Variants in DLG2 observed in about 807,000 individuals in gnomAD.
DLG2 encodes the protein disks large homolog 2.
A neutral mutation model predicts 132.5 loss-of-function variants in DLG2; 45 were observed. The ratio of observed to expected loss-of-function variants is 0.34; its 90% CI spans 0.27 to 0.44. The LOEUF (loss-of-function observed/expected upper bound fraction) is 0.44. Among genes scored for constraint, DLG2 ranks in the 20% least tolerant of loss-of-function variants. The probability of loss-of-function intolerance (pLI) is 1.00; values close to 1 mark genes in which losing one functional copy is unlikely to be tolerated. For missense variants in DLG2, 1,045 were observed against 1,196.9 expected (o/e 0.87, Z 1.87); for synonymous variants, 424 against 419.6 (o/e 1.01, Z -0.13).
At chr11:85,397,723 A>C (rs2087553334) in intron 3 of DLG2, among the ~76,000 whole-genome samples, 1 of 152,176 alleles carries the variant, frequency 6.6e-6, no homozygotes, top group Non-Finnish European at 1.5e-5. Flanking sequence ...CAGCAAGAGG[A>C]GTTAACATCT....
At chr11:85,016,973 A>G (rs1408726483) in intron 6 of DLG2, among the ~76,000 whole-genome samples, 1 of 152,110 alleles carries the variant, frequency 6.6e-6, no homozygotes, top group Non-Finnish European at 1.5e-5. Flanking sequence ...GGCTTGCTAC[A>G]TGTTGTTATA....
rs200616044 is a variant in DLG2 at position 83,541,692 on chromosome 11, T to C, written c.2107A>G (p.Ser703Gly). The change falls in exon 20 of 28, where the codon AGC becomes GGC. Residue 703 changes from serine to glycine, a missense_variant. By Grantham distance (56) the Ser-to-Gly change is moderately conservative. Around this residue, in one of 4 missense-constraint regions of DLG2, gnomAD observed 398 missense variants for 543.6 expected, o/e 0.73. Transcript: ENST00000376104. Reference protein sequence around the residue: ...GDSEEMGVIPSKRRVERKERA... With the variant: ...GDSEEMGVIPGKRRVERKERA... Reference sequence around the variant, plus strand: ...AAAAGGCATTCTTACCTCCTTTTGCTGGGGATGACCCCCATCTCCTCACTG... The same window carrying C: ...AAAAGGCATTCTTACCTCCTTTTGCCGGGGATGACCCCCATCTCCTCACTG... The C allele has an allele frequency of 6.2e-7, 1 of 1,604,930 alleles. No homozygotes were observed. Among genetic ancestry groups the C allele is most frequent in the Non-Finnish European group, 8.5e-7 (1 of 1,175,832 alleles).
At chr11:84,978,306 T>G (rs1356452120) in intron 6 of DLG2, among the ~76,000 whole-genome samples, 6 of 152,140 alleles carry the variant, frequency 3.9e-5, no homozygotes, top group Non-Finnish European at 7.3e-5. Flanking sequence ...TGGAAAAAAC[T>G]ATTTTAAAGT....
In DLG2 at chr11:83,930,259, T is replaced by C. The variant is rs116000284; in HGVS notation, c.1496+69A>G. 222 of 1,559,000 alleles carry C rather than the reference T, an allele frequency of 1.4e-4. No homozygotes were observed. The African/African-American group carries it at 2.7e-3, about 19-fold the overall frequency. On this transcript the variant is annotated intron_variant, in intron 15 of 27. Coordinates refer to ENST00000376104, the MANE Select transcript of DLG2 (RefSeq NM_001142699.3). ...TGCAAGAGAAGTGAGCAGAGGCGGA[T>C]TCTACCCATTTATCCTTGTGGAAGC...
Position 84,842,871 on chromosome 11 carries a change from C to T in DLG2, c.357+268790G>A, listed in dbSNP as rs149367874. 7.1e-4 allele frequency among the ~76,000 whole-genome samples: 108 copies of T among 151,948 alleles called. 1 individual carries two copies. The East Asian group carries it at 0.018, about 25-fold the overall frequency. On this transcript the variant is annotated intron_variant, in intron 6 of 27. Transcript: ENST00000376104. ...ACTCTTTCTTGGTATATTTTACCAC[C>T]ACCATTTCTATCCCAAACCCCAACA...
intron 9 of DLG2, among the ~76,000 whole-genome samples, chr11:84,134,020 G>A (rs1488080891): frequency 6.6e-6 from 1 of 151,872 alleles, no homozygotes; most frequent in African/African-American, 2.4e-5. Context: ...TCTTACTTTG[G>A]TAGATACCCA....
intron 3 of DLG2, among the ~76,000 whole-genome samples, chr11:85,454,751 C>T (rs1353181382): frequency 6.6e-6 from 1 of 152,126 alleles, no homozygotes. Context: ...CTGAATATTG[C>T]TAGCCAGTTA....
chr11:83,536,797 C>T (rs902565614), intron 20 of DLG2, among the ~76,000 whole-genome samples: 2 of 152,074 alleles, frequency 1.3e-5, no homozygotes, highest in African/African-American at 4.8e-5. Flanking sequence ...ATTGTGAAAA[C>T]AATCAGGTCA....
At chr11:83,666,968 ATCT>A (rs1415449664) in intron 18 of DLG2, among the ~76,000 whole-genome samples, 10 of 152,184 alleles carry the variant, frequency 6.6e-5, no homozygotes, top group Non-Finnish European at 1.2e-4. Context: ...TGAGTCTGTG[ATCT>A]TCTTCCAAAC....
At chr11:84,300,392 G>C (rs2098138708) in intron 7 of DLG2, among the ~76,000 whole-genome samples, 1 of 152,124 alleles carries the variant, frequency 6.6e-6, no homozygotes, top group South Asian at 2.1e-4. Flanking sequence ...TTTCCTTCCA[G>C]AGAACAGACA....
chr11:84,215,128 G>A (rs2096819362), intron 8 of DLG2, among the ~76,000 whole-genome samples: 1 of 152,146 alleles, frequency 6.6e-6, no homozygotes. Flanking sequence ...TGTTGCTGGT[G>A]GAGTTAAGCA....
chr11:84,972,842 G>C (rs923138255), intron 6 of DLG2, among the ~76,000 whole-genome samples: 51 of 152,096 alleles, frequency 3.4e-4, no homozygotes, highest in African/African-American at 1.2e-3. Flanking sequence ...CTTCCAGCTT[G>C]TTGAGACTGC....
At chr11:83,938,334 T>C (rs764321142) in intron 14 of DLG2, among the ~76,000 whole-genome samples, 1 of 151,898 alleles carries the variant, frequency 6.6e-6, no homozygotes, top group Non-Finnish European at 1.5e-5. Flanking sequence ...GTAGCAATTC[T>C]AGTGCAGGTT....
At chr11:84,034,235 T>A (rs2095798904) in intron 11 of DLG2, among the ~76,000 whole-genome samples, 1 of 152,190 alleles carries the variant, frequency 6.6e-6, no homozygotes, top group Non-Finnish European at 1.5e-5. Flanking sequence ...CAGAAAAAGA[T>A]GATTGACTCA....
At chr11:84,216,968 A>C (rs137903390) in intron 8 of DLG2, among the ~76,000 whole-genome samples, 1,585 of 152,342 alleles carry the variant, frequency 0.01, 33 homozygotes, top group African/African-American at 0.037. Flanking sequence ...GCTCACATTT[A>C]GCTCCTAAAA....
chr11:84,555,555 T>C (rs2099410289), intron 6 of DLG2, among the ~76,000 whole-genome samples: 1 of 152,088 alleles, frequency 6.6e-6, no homozygotes, highest in Admixed American at 6.6e-5. Context: ...GTGAAATAGG[T>C]TGGTAATAAA....
At chr11:85,292,750 A>C (rs1452857411) in intron 3 of DLG2, among the ~76,000 whole-genome samples, 1 of 126,904 alleles carries the variant, frequency 7.9e-6, no homozygotes, top group Non-Finnish European at 1.7e-5. Context: ...AAGGAAAAGA[A>C]AGAGAAGAGA....
chr11:85,229,523 T>A, intron 4 of DLG2, among the ~76,000 whole-genome samples: 1 of 152,024 alleles, frequency 6.6e-6, no homozygotes, highest in East Asian at 1.9e-4. Context: ...GAAACAGGAA[T>A]GCTTTTACAC....
At chr11:85,040,434 T>A (rs371541253) in intron 6 of DLG2, among the ~76,000 whole-genome samples, 9 of 151,984 alleles carry the variant, frequency 5.9e-5, no homozygotes, top group East Asian at 3.9e-4. Context: ...TATCTACTCA[T>A]GGCATGATGA....
Sources: gnomAD v4.1 joint callset for allele counts (sites outside exome capture counted in the v4.1 genomes callset) on GRCh38, gnomAD v4.1.1 for gene constraint, gnomAD v4.1.1 regional missense constraint, MANE v1.5 for transcripts, NCBI Gene and HGNC (gene_info 2026-07-23, HGNC 2026-07-21) for gene names.